KCTD13: variants seen among roughly 807,000 people sequenced by gnomAD.
KCTD13 encodes the protein potassium channel tetramerization domain containing 13.
KCTD13 carries 15 observed loss-of-function variants against 32.3 expected under a neutral mutation model. The observed-to-expected ratio is 0.46, with a 90% CI of 0.31 to 0.71. The LOEUF is 0.71. KCTD13 is among the 30% of genes least tolerant of loss of function. The probability of loss-of-function intolerance (pLI) is 0.05; values close to 1 mark genes in which losing one functional copy is unlikely to be tolerated. For missense variants in KCTD13, 337 were observed against 452.6 expected, an observed-to-expected ratio of 0.74 and a Z score of 2.32; for synonymous variants, 189 against 200.1, an observed-to-expected ratio of 0.94 and a Z score of 0.47.
chr16:29,915,695 G>GACA (rs776245068), intron 2 of KCTD13, among the ~76,000 whole-genome samples: 1 of 152,068 alleles, frequency 6.6e-6, no homozygotes, highest in African/African-American at 2.4e-5. Context: ...GACGCTGAAA[G>GACA]ACAACACCTT....
chr16:29,917,383 AC>A (rs910218581), intron 2 of KCTD13, among the ~76,000 whole-genome samples: 2 of 152,192 alleles, frequency 1.3e-5, no homozygotes, highest in African/African-American at 4.8e-5. Flanking sequence ...ATAGCGGATC[AC>A]ACCTGTAATC....
rs1280014332 is a variant in KCTD13 at position 29,926,055 on chromosome 16, G to A, written c.-22C>T. On this transcript the variant is annotated 5_prime_UTR_variant, in exon 1 of 6. Transcript: ENST00000568000. ...ACATGCCGGGTAGCAGCGGCGGACG[G>A]CGATCCCAGGATCTCTCCGCGCCCT... is the stretch of plus-strand genomic sequence containing the variant. The A allele has an allele frequency of 5.4e-6, 8 of 1,476,846 alleles. No homozygotes were observed. The highest frequency in any genetic ancestry group is 4.9e-4 in the Middle Eastern group (2 of 4,086). The allele number at this position is 1,476,846 out of a possible 1,614,324, so 91.5% of individuals were successfully genotyped here.
In KCTD13 at chr16:29,911,876, G is replaced by T; in HGVS notation, c.505-9C>A. The T allele has an allele frequency of 1.2e-6, 2 of 1,612,318 alleles. No homozygotes were observed. Among genetic ancestry groups the T allele is most frequent in the Non-Finnish European group, 1.7e-6 (2 of 1,179,082 alleles). On this transcript the variant is annotated splice_polypyrimidine_tract_variant and intron_variant, in intron 3 of 5. Transcript: ENST00000568000. ...AGGAGCTTCACCACGGGCTGGCGGG[G>T]GAGAGAGGATGGACGAGAGGGGTGA... is the stretch of plus-strand genomic sequence containing the variant.
intron 2 of KCTD13, 95 bp from the exon 3 acceptor site, chr16:29,912,144 A>C (rs944243122): frequency 5.0e-6 from 4 of 802,740 alleles, no homozygotes; most frequent in Non-Finnish European, 8.4e-6. Flanking sequence ...ACAACTCCAG[A>C]CTCCTCAGTG....
intron 5 of KCTD13, among the ~76,000 whole-genome samples, chr16:29,910,241 T>C (rs1193220703): frequency 6.6e-6 from 1 of 151,268 alleles, no homozygotes; most frequent in Non-Finnish European, 1.5e-5. Context: ...CTACTAAAAA[T>C]ACAAAAATTA....
Position 29,906,951 on chromosome 16 carries a change from C to T in KCTD13, c.911G>A (p.Arg304His), listed in dbSNP as rs753862246. The T allele has an allele frequency of 9.9e-6, 16 of 1,613,986 alleles. No individual in the cohort carries two copies. Among genetic ancestry groups the T allele is most frequent in the African/African-American group, 1.3e-5 (1 of 74,910 alleles). ...GCGCCGGACATGGATCCTGCGGACA[C>T]GGTGCTCTCGGTTCTCTTCATCCTC... is the stretch of plus-strand genomic sequence containing the variant. ...RGEDEENREH[R>H]VRRIHVRRHI... The change falls in exon 6 of 6, where the codon CGT (arginine) becomes CAT (histidine). Residue 304 changes from arginine to histidine, a missense_variant. This residue lies in a region of KCTD13 where 252 missense variants were observed against 340.2 expected (regional missense o/e 0.74). Transcript: ENST00000568000.
rs2068982906 is a variant in KCTD13 at position 29,925,705 on chromosome 16, G to T, written c.244+85C>A. 15 of 1,366,918 alleles carry T rather than the reference G, an allele frequency of 1.1e-5. No individual in the cohort carries two copies. In the South Asian group the frequency reaches 1.7e-4, roughly 16 times the overall value. The allele number at this position is 1,366,918 out of a possible 1,614,324, so 84.7% of individuals were successfully genotyped here. A position where few individuals can be genotyped will look rare whatever the true frequency, so the allele number is the denominator to read the frequency against. On this transcript the variant is annotated intron_variant, in intron 1 of 5. Coordinates refer to ENST00000568000, the MANE Select transcript of KCTD13 (RefSeq NM_178863.5). ...GGACAGTAGCGGGCAGAGAGAAGGGGCATGAGGAGCCCCGGTGGTGAGAGA... is the reference window on the plus strand; with the variant it reads ...GGACAGTAGCGGGCAGAGAGAAGGGTCATGAGGAGCCCCGGTGGTGAGAGA...
At chr16:29,911,208 T>C (rs749885176) in intron 4 of KCTD13, 35 bp from the exon 5 acceptor site, 2 of 1,539,820 alleles carry the variant, frequency 1.3e-6, no homozygotes, top group Non-Finnish European at 1.8e-6. Flanking sequence ...CTCAGCGCAG[T>C]TGGCACCCCT....
At chr16:29,922,761 T>C (rs1170924995) in intron 2 of KCTD13, 3 of 388,510 alleles carry the variant, frequency 7.7e-6, no homozygotes, top group African/African-American at 6.2e-5. Flanking sequence ...GCGGAAGCCA[T>C]GGGAGAATGC....
At chr16:29,920,845 C>T (rs1225402300) in intron 2 of KCTD13, 4 of 152,098 alleles carry the variant, frequency 2.6e-5, no homozygotes, top group Non-Finnish European at 4.4e-5. Context: ...TTTACTAAAA[C>T]GCCGTTTGCA....
Position 29,926,098 on chromosome 16 carries a change from A to T in KCTD13, c.-65T>A, listed in dbSNP as rs1188330253. ...CGCGCCCTGCGGCCTGCTCCCGAAGACCCTCGGCCGGCCCCCAGCCCTTGG... is the reference window on the plus strand; with the variant it reads ...CGCGCCCTGCGGCCTGCTCCCGAAGTCCCTCGGCCGGCCCCCAGCCCTTGG... On this transcript the variant is annotated 5_prime_UTR_variant, in exon 1 of 6. Transcript: ENST00000568000. 15 of 1,429,386 alleles carry T rather than the reference A, an allele frequency of 1.0e-5. No homozygotes were observed. The highest frequency in any genetic ancestry group is 1.4e-5 in the Non-Finnish European group (15 of 1,099,446). 88.5% of individuals were successfully genotyped at this position (1,429,386 alleles called of 1,614,324 possible).
chr16:29,924,389 C>G (rs930962911), intron 1 of KCTD13, among the ~76,000 whole-genome samples: 1 of 152,130 alleles, frequency 6.6e-6, no homozygotes, highest in Non-Finnish European at 1.5e-5. Context: ...TGAGAAAGTT[C>G]TTGCAGAATT....
chr16:29,924,843 C>T lies in KCTD13; in HGVS notation c.244+947G>A, dbSNP rs532385625. 9.9e-5 allele frequency among the ~76,000 whole-genome samples: 15 copies of T among 152,044 alleles called. No individual in the cohort carries two copies. In the East Asian group the frequency reaches 2.7e-3, roughly 28 times the overall value. ...AAGCGATTCTCCTGTCTCAGCCTCC[C>T]GAGTAGCTGGGCTACAGGCGCACAC... On this transcript the variant is annotated intron_variant, in intron 1 of 5. Coordinates refer to ENST00000568000, the MANE Select transcript of KCTD13 (RefSeq NM_178863.5).
intron 1 of KCTD13, 31 bp downstream of exon 1, chr16:29,925,759 G>GA (rs1302842915): frequency 5.1e-6 from 8 of 1,571,564 alleles, no homozygotes; most frequent in Non-Finnish European, 4.3e-6. Flanking sequence ...GGGGGTCTGG[G>GA]GTGGGGGCAC....
chr16:29,922,373 AAAAG>A (rs1377706876), intron 2 of KCTD13: 3 of 152,190 alleles, frequency 2.0e-5, no homozygotes, highest in African/African-American at 7.2e-5. Flanking sequence ...ATTGTAACAT[AAAAG>A]AAAGGACATT....
chr16:29,907,602 C>T (rs2068635748), intron 5 of KCTD13, among the ~76,000 whole-genome samples: 1 of 151,644 alleles, frequency 6.6e-6, no homozygotes, highest in African/African-American at 2.4e-5. Flanking sequence ...GTCTGGGCAA[C>T]ATGGTGTAAC....
intron 2 of KCTD13, chr16:29,913,338 G>A (rs1417894983): frequency 6.6e-6 from 1 of 151,976 alleles, no homozygotes; most frequent in Non-Finnish European, 1.5e-5. Flanking sequence ...GTATCAGTTC[G>A]GGCACAGAAA....
intron 2 of KCTD13, 198 bp downstream of exon 2, chr16:29,922,992 G>T (rs764692855): frequency 3.8e-5 from 22 of 580,620 alleles, no homozygotes; most frequent in African/African-American, 5.6e-5. Context: ...CCATTGCAAA[G>T]GTCCTGGCAT....
chr16:29,911,330 G>A lies in KCTD13; in HGVS notation c.558-157C>T. 1.1e-5 allele frequency: 7 copies of A among 628,394 alleles called. No individual in the cohort carries two copies. The South Asian group carries it at 1.4e-4, about 12-fold the overall frequency. The allele number at this position is 628,394 out of a possible 1,614,324, so 38.9% of individuals were successfully genotyped here. ...TCCACCCCTGGGGCCAGGCTAAACG[G>A]GTCTCAGAAGGGAAGCCACATGCGC... is the stretch of plus-strand genomic sequence containing the variant. On this transcript the variant is annotated intron_variant, in intron 4 of 5. Coordinates refer to ENST00000568000, the MANE Select transcript of KCTD13 (RefSeq NM_178863.5).
Sources: allele counts gnomAD v4.1 joint callset (sites outside exome capture counted in the v4.1 genomes callset), GRCh38; gene constraint gnomAD v4.1.1; regional missense constraint gnomAD v4.1.1; transcripts MANE v1.5; gene names NCBI Gene and HGNC (gene_info 2026-07-23, HGNC 2026-07-21).